ADCYAP1R1: variants seen among roughly 807,000 people sequenced by gnomAD.
The protein encoded by ADCYAP1R1 is pituitary adenylate cyclase-activating polypeptide type I receptor.
ADCYAP1R1 carries 44 observed loss-of-function variants against 67.6 expected under a neutral mutation model. The ratio of observed to expected loss-of-function variants is 0.65; its 90% CI spans 0.51 to 0.84. ADCYAP1R1 has a LOEUF of 0.84. ADCYAP1R1 is among the 40% of genes least tolerant of loss of function. ADCYAP1R1 has a pLI of 0.00. For missense variants in ADCYAP1R1, 477 were observed against 587.9 expected, an observed-to-expected ratio of 0.81 and a Z score of 1.95; for synonymous variants, 222 against 219.6, an observed-to-expected ratio of 1.01 and a Z score of -0.10.
chr7:31,086,418 A>G lies in ADCYAP1R1; in HGVS notation c.704A>G (p.Tyr235Cys), dbSNP rs762036945. ...AAGGCCGTCATGGTTTTCTTCCACT[A>G]CTGTGTTGTGTCCAACTACTTCTGG... ...ECKAVMVFFH[Y>C]CVVSNYFWLF... Residue 235 changes from tyrosine (Y) to cysteine (C), a missense_variant, in exon 10 of 16, where the codon TAC (tyrosine) becomes TGC (cysteine). Physicochemically the swap from Tyr to Cys is radical, Grantham distance 194. Transcript: ENST00000304166. The surrounding 1 kb of genome is among the most constrained non-coding windows in gnomAD (Gnocchi z 5.0). 3 of 1,614,176 alleles carry G rather than the reference A, an allele frequency of 1.9e-6. No homozygotes were observed. The East Asian group carries it at 6.7e-5, about 36-fold the overall frequency.
intron 3 of ADCYAP1R1, among the ~76,000 whole-genome samples, chr7:31,065,603 G>A (rs921823686): frequency 6.6e-6 from 1 of 152,174 alleles, no homozygotes; most frequent in African/African-American, 2.4e-5. Flanking sequence ...ACGATCCCTG[G>A]TAAGAACCAG....
chr7:31,104,820 C>T (rs1796574670), intron 14 of ADCYAP1R1, 48 bp from the exon 15 acceptor site: 2 of 1,606,954 alleles, frequency 1.2e-6, no homozygotes, highest in Non-Finnish European at 1.7e-6. Context: ...CACAGCATTT[C>T]AGAAAGTCCT....
At position 31,111,307 on chromosome 7, in the gene ADCYAP1R1, T is replaced by C. The variant is rs1294034235; in HGVS notation, c.*4623T>C. The C allele has an allele frequency of 6.6e-6, 1 of 152,224 alleles. No individual in the cohort carries two copies. Among genetic ancestry groups the C allele is most frequent in the Non-Finnish European group, 1.5e-5 (1 of 68,050 alleles). The allele number at this position is 152,224 out of a possible 1,614,324, so 9.4% of individuals were successfully genotyped here. The stretch of plus-strand genomic sequence containing the variant: ...ATCTCAGACATGGTTCCTGCCTCAC[T>C]TGTGGGAGCTGGACCAGCCTGGGTT... On this transcript the variant is annotated 3_prime_UTR_variant, in exon 16 of 16. Transcript: ENST00000304166.
At chr7:31,082,691 A>C (rs1795560954) in intron 6 of ADCYAP1R1, among the ~76,000 whole-genome samples, 1 of 152,186 alleles carries the variant, frequency 6.6e-6, no homozygotes, top group African/African-American at 2.4e-5. Flanking sequence ...GATTTGCTGG[A>C]AGAAGGGACA....
At chr7:31,081,876 C>T (rs1022106989) in intron 6 of ADCYAP1R1, 122 bp downstream of exon 6, 17 of 709,902 alleles carry the variant, frequency 2.4e-5, no homozygotes, top group African/African-American at 2.4e-4. Flanking sequence ...TGATCTTTGG[C>T]AGGTGACTTT....
intron 12 of ADCYAP1R1, among the ~76,000 whole-genome samples, chr7:31,089,560 G>T (rs6965700): frequency 1.3e-5 from 2 of 151,798 alleles, no homozygotes; most frequent in Non-Finnish European, 2.9e-5. Flanking sequence ...GAGCAGTGCC[G>T]CAATGAATAT....
chr7:31,106,441 T>C (rs1796650038), intron 15 of ADCYAP1R1, 55 bp from the exon 16 acceptor site: 8 of 1,555,346 alleles, frequency 5.1e-6, no homozygotes, highest in Non-Finnish European at 7.0e-6. Flanking sequence ...GGACAGGGCC[T>C]GGAGGCTGCA....
intron 12 of ADCYAP1R1, among the ~76,000 whole-genome samples, chr7:31,088,517 G>A (rs930936754): frequency 6.6e-6 from 1 of 152,180 alleles, no homozygotes; most frequent in Non-Finnish European, 1.5e-5. Flanking sequence ...TATTACATGT[G>A]CATCTTCAAT....
chr7:31,097,196 C>T (rs1211097165), intron 13 of ADCYAP1R1, among the ~76,000 whole-genome samples: 10 of 152,210 alleles, frequency 6.6e-5, no homozygotes, highest in Non-Finnish European at 1.3e-4. Context: ...GTGATAGGGT[C>T]TCCCACTTTC....
At chr7:31,075,027 C>G (rs1795148948) in intron 3 of ADCYAP1R1, among the ~76,000 whole-genome samples, 2 of 152,182 alleles carry the variant, frequency 1.3e-5, no homozygotes, top group South Asian at 4.1e-4. Context: ...AAATAGCACT[C>G]AAGCGTCACA....
chr7:31,093,694 G>A (rs891455570), intron 13 of ADCYAP1R1, among the ~76,000 whole-genome samples: 7 of 152,104 alleles, frequency 4.6e-5, no homozygotes, highest in South Asian at 2.1e-4. Flanking sequence ...TGGCTTCTCC[G>A]CTCCTTCAGA....
chr7:31,068,693 G>C (rs1220808979), intron 3 of ADCYAP1R1, among the ~76,000 whole-genome samples: 1 of 152,206 alleles, frequency 6.6e-6, no homozygotes, highest in Non-Finnish European at 1.5e-5. Context: ...GCCAGGGTGA[G>C]GGGAGGCCCC....
intron 3 of ADCYAP1R1, among the ~76,000 whole-genome samples, chr7:31,072,954 CA>C (rs1795050679): frequency 6.6e-6 from 1 of 152,162 alleles, no homozygotes; most frequent in Non-Finnish European, 1.5e-5. Flanking sequence ...GCCATGGGCC[CA>C]GGAATGTGGG....
chr7:31,074,279 G>A (rs767364595), intron 3 of ADCYAP1R1, among the ~76,000 whole-genome samples: 34 of 152,250 alleles, frequency 2.2e-4, no homozygotes, highest in Non-Finnish European at 4.0e-4. Context: ...GCTGAGTAGA[G>A]ACCTGCCGTT....
chr7:31,081,791 G>A lies in ADCYAP1R1; in HGVS notation c.328+37G>A, dbSNP rs368605668. On this transcript the variant is annotated intron_variant, in intron 6 of 15. Transcript: ENST00000304166. ...GGCTGGGGTTGACCATGGACTGGCT[G>A]GAGGGAGGGCGTCTGCTGACATGTG... is the stretch of plus-strand genomic sequence containing the variant. 7.9e-5 allele frequency: 123 copies of A among 1,560,714 alleles called. 1 individual carries two copies. Among genetic ancestry groups the A allele is most frequent in the South Asian group, 7.8e-4 (64 of 82,058 alleles).
chr7:31,073,923 G>A (rs1584496373), intron 3 of ADCYAP1R1, among the ~76,000 whole-genome samples: 1 of 152,290 alleles, frequency 6.6e-6, no homozygotes, highest in East Asian at 1.9e-4. Context: ...TCTAGAGGGG[G>A]CTCAGGCTGG....
intron 1 of ADCYAP1R1, among the ~76,000 whole-genome samples, chr7:31,058,137 A>G (rs781775104): frequency 6.6e-6 from 1 of 152,228 alleles, no homozygotes; most frequent in East Asian, 1.9e-4. Flanking sequence ...GGCCTGGGCC[A>G]GACGCTGGAG....
In ADCYAP1R1 at chr7:31,085,491, A is replaced by C. The variant is rs114687632; in HGVS notation, c.669+49A>C. 139 of 1,572,856 alleles carry C rather than the reference A, an allele frequency of 8.8e-5. No homozygotes were observed. In the African/African-American group the frequency reaches 1.8e-3, roughly 20 times the overall value. On this transcript the variant is annotated intron_variant, in intron 9 of 15. Coordinates refer to ENST00000304166, the MANE Select transcript of ADCYAP1R1 (RefSeq NM_001118.5). ...TAGGGCTCTGCCGGGAAGGTCCCGC[A>C]CCATCCCCTTGGTTCCCCAGGACGC...
chr7:31,054,112 G>A (rs73309765), intron 1 of ADCYAP1R1, among the ~76,000 whole-genome samples: 5,245 of 152,272 alleles, frequency 0.034, 292 homozygotes, highest in African/African-American at 0.12. Flanking sequence ...GACACAAGCC[G>A]AAATCTGAAC....
Sources: allele counts gnomAD v4.1 joint callset (sites outside exome capture counted in the v4.1 genomes callset), GRCh38; gene constraint gnomAD v4.1.1; non-coding constraint Gnocchi (gnomAD v3.1); transcripts MANE v1.5; gene names NCBI Gene and HGNC (gene_info 2026-07-23, HGNC 2026-07-21).